Variants in BCL2L11 observed in about 807,000 individuals in gnomAD.
BCL2L11 encodes BCL2 like 11, also known as bcl-2-like protein 11.
BCL2L11 carries 15 observed loss-of-function variants against 20.6 expected under a neutral mutation model. The observed-to-expected ratio is 0.73, with a 90% CI of 0.49 to 1.12. The LOEUF (loss-of-function observed/expected upper bound fraction) is 1.12, where lower values mean the gene tolerates loss of function less well. Among genes scored for constraint, BCL2L11 ranks in the 50% most tolerant of loss-of-function variants. BCL2L11 has a pLI of 0.00. For missense variants in BCL2L11, 292 were observed against 260.9 expected (o/e 1.12, Z -0.82); for synonymous variants, 108 against 92.8 (o/e 1.16, Z -0.94).
chr2:111,121,479 G>A (rs1418120353), intron 1 of BCL2L11, among the ~76,000 whole-genome samples: 1 of 152,254 alleles, frequency 6.6e-6, no homozygotes, highest in African/African-American at 2.4e-5. Context: ...GGTCCGGGCA[G>A]GAGGAGAGGC....
chr2:111,122,311 G>T (rs1330302044), intron 1 of BCL2L11, among the ~76,000 whole-genome samples: 1 of 152,214 alleles, frequency 6.6e-6, no homozygotes, highest in Non-Finnish European at 1.5e-5. Flanking sequence ...CAGGTGACTG[G>T]CTGTCCAGGA....
intron 2 of BCL2L11, among the ~76,000 whole-genome samples, chr2:111,149,605 G>A (rs10167160): frequency 0.026 from 3,963 of 152,102 alleles, 165 homozygotes; most frequent in African/African-American, 0.089. Flanking sequence ...TCATATTTTT[G>A]GATGATGTTT....
In BCL2L11 at chr2:111,164,393, T is replaced by G. The variant is rs1225419261; in HGVS notation, c.*162T>G. The G allele has an allele frequency of 8.5e-6, 5 of 586,090 alleles. No individual in the cohort carries two copies. The East Asian group carries it at 1.4e-4, about 17-fold the overall frequency. 36.3% of individuals were successfully genotyped at this position (586,090 alleles called of 1,614,324 possible). ...AGACACCGAGCTGGATGGGACTACC[T>G]TTCTGTTCATCACCACACAGCAGAA... On this transcript the variant is annotated 3_prime_UTR_variant, in exon 4 of 4. Coordinates refer to ENST00000393256, the MANE Select transcript of BCL2L11 (RefSeq NM_138621.5).
rs749538495 is a variant in BCL2L11 at position 111,123,851 on chromosome 2, C to T, written c.106C>T (p.Leu36=). ...GCTCAGACCTGGGGCCCCTACCTCCCTACAGACAGAGCCACAAGGTAATCC... is the reference window on the plus strand; with the variant it reads ...GCTCAGACCTGGGGCCCCTACCTCCTTACAGACAGAGCCACAAGGTAATCC... ...PQLRPGAPTS[L]QTEPQGNPEG... The change falls in exon 2 of 4, where the codon CTA becomes TTA. Residue 36 remains leucine (L), a synonymous_variant. Transcript: ENST00000393256. 11 of 1,587,948 alleles carry T rather than the reference C, an allele frequency of 6.9e-6. No individual in the cohort carries two copies. The South Asian group carries it at 9.2e-5, about 13-fold the overall frequency.
intron 2 of BCL2L11, among the ~76,000 whole-genome samples, chr2:111,136,149 G>C (rs1307974252): frequency 6.6e-6 from 1 of 152,174 alleles, no homozygotes; most frequent in Non-Finnish European, 1.5e-5. Flanking sequence ...GTTTTCTGTT[G>C]TTAGGTCACC....
At chr2:111,122,605 C>G (rs926793420) in intron 1 of BCL2L11, 19 of 983,448 alleles carry the variant, frequency 1.9e-5, no homozygotes, top group Non-Finnish European at 2.1e-5. Context: ...TCGGCGGTGC[C>G]GGCGGCGGCG....
intron 1 of BCL2L11, chr2:111,122,828 C>A (rs1476746534): frequency 1.2e-5 from 12 of 985,250 alleles, no homozygotes; most frequent in Non-Finnish European, 1.4e-5. Flanking sequence ...TTCGTGGTGA[C>A]GGTCAGGGGG....
chr2:111,140,644 T>TA (rs1266496580), intron 2 of BCL2L11, among the ~76,000 whole-genome samples: 3 of 152,194 alleles, frequency 2.0e-5, no homozygotes, highest in African/African-American at 7.2e-5. Flanking sequence ...ATTTGTCTGT[T>TA]ATTTGGTCCC....
intron 2 of BCL2L11, among the ~76,000 whole-genome samples, chr2:111,124,813 T>A (rs936881181): frequency 3.3e-5 from 5 of 152,190 alleles, no homozygotes; most frequent in African/African-American, 7.2e-5. Context: ...ATAACACTTT[T>A]AAAAAAATGA....
rs1422368073 is a variant in BCL2L11 at position 111,121,046 on chromosome 2, C to T, written c.-156C>T. On this transcript the variant is annotated 5_prime_UTR_variant, in exon 1 of 4. Coordinates refer to ENST00000393256, the MANE Select transcript of BCL2L11 (RefSeq NM_138621.5). ...CACTACCACCACTTGATTCTTGCAG[C>T]CACCCTGCGAACCCTGCCACACTGC... The T allele has an allele frequency of 2.7e-5, 10 of 372,748 alleles. No homozygotes were observed. In the South Asian group the frequency reaches 3.4e-4, roughly 12 times the overall value. 23.1% of individuals were successfully genotyped at this position (372,748 alleles called of 1,614,324 possible). A position where few individuals can be genotyped will look rare whatever the true frequency, so the allele number is the denominator to read the frequency against.
chr2:111,130,855 A>G (rs1006000986), intron 2 of BCL2L11, among the ~76,000 whole-genome samples: 2 of 152,182 alleles, frequency 1.3e-5, no homozygotes, highest in African/African-American at 2.4e-5. Flanking sequence ...TTTCTGTACC[A>G]GTTGATATGA....
chr2:111,154,792 A>G (rs1290134642), intron 3 of BCL2L11, among the ~76,000 whole-genome samples: 2 of 152,228 alleles, frequency 1.3e-5, no homozygotes, highest in Non-Finnish European at 2.9e-5. Flanking sequence ...TCTCTCTTAT[A>G]TAGTTATTTA....
chr2:111,132,250 G>T (rs2074086730), intron 2 of BCL2L11: 1 of 152,176 alleles, frequency 6.6e-6, no homozygotes, highest in Non-Finnish European at 1.5e-5. Flanking sequence ...CCATGATTCT[G>T]GTTTTCTGGG....
chr2:111,127,617 ATAAAGT>A (rs1467808275), intron 2 of BCL2L11, among the ~76,000 whole-genome samples: 1 of 152,072 alleles, frequency 6.6e-6, no homozygotes, highest in Non-Finnish European at 1.5e-5. Context: ...TTTCAGACAA[ATAAAGT>A]TGAAGAAGGC....
intron 2 of BCL2L11, among the ~76,000 whole-genome samples, chr2:111,133,763 A>G (rs1167289720): frequency 6.6e-6 from 1 of 152,120 alleles, no homozygotes; most frequent in East Asian, 1.9e-4. Flanking sequence ...TGTGTTGTTC[A>G]GTTCTTCTCT....
chr2:111,135,656 G>A (rs1283982597), intron 2 of BCL2L11, among the ~76,000 whole-genome samples: 1 of 152,156 alleles, frequency 6.6e-6, no homozygotes, highest in Non-Finnish European at 1.5e-5. Context: ...GCCAGATGGG[G>A]CGAAGACTCA....
Position 111,167,548 on chromosome 2 carries a change from GAAAT to G in BCL2L11, c.*3321_*3324del, listed in dbSNP as rs1349233779. 1.3e-5 allele frequency: 2 copies of G among 152,204 alleles called. No individual in the cohort carries two copies. Among genetic ancestry groups the G allele is most frequent in the Non-Finnish European group, 2.9e-5 (2 of 68,030 alleles). 9.4% of individuals were successfully genotyped at this position (152,204 alleles called of 1,614,324 possible). A position where few individuals can be genotyped will look rare whatever the true frequency, so the allele number is the denominator to read the frequency against. ...CCCTGACAACTCAGCGTTTAGAAAA[GAAAT>G]AAAATGTGCCACTTCCAGAGGTGCT... On this transcript the variant is annotated 3_prime_UTR_variant, in exon 4 of 4. Transcript: ENST00000393256.
intron 2 of BCL2L11, chr2:111,131,703 A>G (rs1334822960): frequency 6.6e-6 from 1 of 152,104 alleles, no homozygotes; most frequent in Non-Finnish European, 1.5e-5. Flanking sequence ...TTGTTTTCTC[A>G]GAAAGAAACA....
Position 111,164,373 on chromosome 2 carries a change from C to A in BCL2L11, c.*142C>A, listed in dbSNP as rs2078925060. The A allele has an allele frequency of 7.8e-6, 5 of 642,326 alleles. No individual in the cohort carries two copies. Among genetic ancestry groups the A allele is most frequent in the Non-Finnish European group, 1.4e-5 (5 of 350,056 alleles). The allele number at this position is 642,326 out of a possible 1,614,324, so 39.8% of individuals were successfully genotyped here. On this transcript the variant is annotated 3_prime_UTR_variant, in exon 4 of 4. Transcript: ENST00000393256. ...GGGGCAGGTGACGTTTCAGAAGACA[C>A]CGAGCTGGATGGGACTACCTTTCTG...
Sources: gnomAD v4.1 joint callset for allele counts (sites outside exome capture counted in the v4.1 genomes callset) on GRCh38, gnomAD v4.1.1 for gene constraint, MANE v1.5 for transcripts, NCBI Gene and HGNC (gene_info 2026-07-23, HGNC 2026-07-21) for gene names.